Variants in TMEM132D observed in about 807,000 individuals in gnomAD.
TMEM132D encodes the protein transmembrane protein 132D, also known as mature OL transmembrane protein.
Under a neutral mutation model 62.3 loss-of-function variants are expected in TMEM132D, and 21 were observed. The ratio of observed to expected loss-of-function variants is 0.34; its 90% CI spans 0.24 to 0.49. The LOEUF (loss-of-function observed/expected upper bound fraction) is 0.49. TMEM132D is among the 20% of genes least tolerant of loss of function. TMEM132D has a pLI of 0.99. For synonymous variants in TMEM132D, 621 were observed against 575.6 expected (o/e 1.08, Z -1.13); for missense variants, 1,346 against 1,402.8 (o/e 0.96, Z 0.65).
chr12:129,681,490 C>A (rs763623207), intron 2 of TMEM132D: 1 of 152,212 alleles, frequency 6.6e-6, no homozygotes, highest in Non-Finnish European at 1.5e-5. Context: ...CACCTGGTTC[C>A]TCTTCCTCTC....
At position 129,203,342 on chromosome 12, in the gene TMEM132D, A is replaced by G. The variant is rs74681523; in HGVS notation, c.1443+6178T>C. ...TAATTTGTGAATCATTATTTGCTCA[A>G]TTAAACTCTGTTAAATTTAATTTGT... On this transcript the variant is annotated intron_variant, in intron 5 of 8. Transcript: ENST00000422113. 5.9e-3 allele frequency among the ~76,000 whole-genome samples: 894 copies of G among 152,344 alleles called. 4 individuals carry two copies. Among genetic ancestry groups the G allele is most frequent in the Non-Finnish European group, 9.8e-3 (668 of 68,032 alleles).
intron 1 of TMEM132D, among the ~76,000 whole-genome samples, chr12:129,804,673 GT>G (rs1273437340): frequency 5.1e-5 from 3 of 58,440 alleles, no homozygotes; most frequent in Non-Finnish European, 1.1e-4. Flanking sequence ...TCAACATAGT[GT>G]TGGAAGTTCT....
At chr12:129,257,206 T>TTC (rs796876271) in intron 4 of TMEM132D, among the ~76,000 whole-genome samples, 2 of 55,704 alleles carry the variant, frequency 3.6e-5, no homozygotes, top group African/African-American at 1.3e-4. Flanking sequence ...GTTTCTTTCT[T>TTC]TTTTTTTTTT....
At chr12:129,122,087 G>A (rs1017348547) in intron 5 of TMEM132D, among the ~76,000 whole-genome samples, 1 of 152,198 alleles carries the variant, frequency 6.6e-6, no homozygotes, top group African/African-American at 2.4e-5. Flanking sequence ...GCTGCAGAGC[G>A]ATGCTGGGTG....
At chr12:129,819,735 C>T (rs540175262) in intron 1 of TMEM132D, among the ~76,000 whole-genome samples, 9 of 152,218 alleles carry the variant, frequency 5.9e-5, no homozygotes, top group Non-Finnish European at 1.3e-4. Flanking sequence ...TACTGCTGTT[C>T]GTGTTATTAT....
chr12:129,333,466 C>A (rs553922269), intron 4 of TMEM132D, among the ~76,000 whole-genome samples: 1 of 152,136 alleles, frequency 6.6e-6, no homozygotes, highest in Non-Finnish European at 1.5e-5. Context: ...TGGAGATATA[C>A]GGGGAACTTT....
chr12:129,124,069 C>T (rs1450395979), intron 5 of TMEM132D, among the ~76,000 whole-genome samples: 1 of 152,172 alleles, frequency 6.6e-6, no homozygotes, highest in Non-Finnish European at 1.5e-5. Context: ...ACTGGTTCTG[C>T]TTCTCTGGAG....
intron 2 of TMEM132D, among the ~76,000 whole-genome samples, chr12:129,607,405 AGGG>A (rs917331317): frequency 2.0e-5 from 3 of 152,184 alleles, no homozygotes; most frequent in African/African-American, 4.8e-5. Context: ...ATTCCTACGA[AGGG>A]TTGCTCCCAC....
At chr12:129,731,230 C>T (rs1869225661) in intron 1 of TMEM132D, among the ~76,000 whole-genome samples, 1 of 152,168 alleles carries the variant, frequency 6.6e-6, no homozygotes, top group Non-Finnish European at 1.5e-5. Context: ...TCAGCACACA[C>T]TGACTGAATA....
chr12:129,745,504 CT>C (rs1288534796), intron 1 of TMEM132D, among the ~76,000 whole-genome samples: 1 of 152,158 alleles, frequency 6.6e-6, no homozygotes, highest in African/African-American at 2.4e-5. Flanking sequence ...CCCAAATGTC[CT>C]CTAACCTGTG....
At chr12:129,828,250 G>C (rs372403855) in intron 1 of TMEM132D, among the ~76,000 whole-genome samples, 1 of 152,018 alleles carries the variant, frequency 6.6e-6, no homozygotes, top group African/African-American at 2.4e-5. Flanking sequence ...ATTTTCCTTA[G>C]CTTGTTCTTT....
At chr12:129,618,206 A>ATTGTGTGC (rs1380172610) in intron 2 of TMEM132D, among the ~76,000 whole-genome samples, 1 of 152,210 alleles carries the variant, frequency 6.6e-6, no homozygotes, top group Admixed American at 6.5e-5. Flanking sequence ...TTTTAAAAAG[A>ATTGTGTGC]TTGTGTGCTC....
intron 3 of TMEM132D, among the ~76,000 whole-genome samples, chr12:129,404,089 G>T (rs1399277618): frequency 6.6e-6 from 1 of 152,184 alleles, no homozygotes; most frequent in African/African-American, 2.4e-5. Context: ...AGTAACACAG[G>T]ATGGGGATGC....
In TMEM132D at chr12:129,452,195, G is replaced by A. The variant is rs78296358; in HGVS notation, c.1115+78864C>T. ...ACAGTGAAGAGAATGATTGGATTTT[G>A]CCTGAGAAAAGGGCAGTGCGTAATA... On this transcript the variant is annotated intron_variant, in intron 3 of 8. Coordinates refer to ENST00000422113, the MANE Select transcript of TMEM132D (RefSeq NM_133448.3). Among the ~76,000 whole-genome samples the A allele has an allele frequency of 7.9e-4, 121 of 152,302 alleles. No homozygotes were observed. In the East Asian group the frequency reaches 0.022, roughly 28 times the overall value.
rs115056223 is a variant in TMEM132D at position 129,726,114 on chromosome 12, A to C, written c.80-25416T>G. Among the ~76,000 whole-genome samples the C allele has an allele frequency of 2.9e-3, 435 of 152,282 alleles. 4 individuals carry two copies. Among genetic ancestry groups the C allele is most frequent in the African/African-American group, 0.01 (423 of 41,550 alleles). On this transcript the variant is annotated intron_variant, in intron 1 of 8. Transcript: ENST00000422113. ...TGCTGTCTCAACTCATTGCTGGAAG[A>C]ATTAAAGGCCTCCTGTGTGGCTCCA... is the stretch of plus-strand genomic sequence containing the variant.
At chr12:129,464,687 T>C (rs982742418) in intron 3 of TMEM132D, among the ~76,000 whole-genome samples, 2 of 152,228 alleles carry the variant, frequency 1.3e-5, no homozygotes, top group African/African-American at 2.4e-5. Context: ...GCTTCCTACA[T>C]ATGGCTAGCC....
chr12:129,529,398 T>C (rs567284581), intron 3 of TMEM132D, among the ~76,000 whole-genome samples: 3 of 152,362 alleles, frequency 2.0e-5, no homozygotes, highest in Admixed American at 6.5e-5. Context: ...TCTGGAACTA[T>C]AAAAAGGCAG....
At chr12:129,536,752 C>T (rs1876400915) in intron 2 of TMEM132D, among the ~76,000 whole-genome samples, 1 of 152,210 alleles carries the variant, frequency 6.6e-6, no homozygotes, top group African/African-American at 2.4e-5. Flanking sequence ...GACTATTCCA[C>T]TATAGCCAGT....
At chr12:129,222,903 C>T (rs930286235) in intron 4 of TMEM132D, among the ~76,000 whole-genome samples, 10 of 143,644 alleles carry the variant, frequency 7.0e-5, no homozygotes, top group South Asian at 2.4e-4. Context: ...AGCTCTTAAA[C>T]GCTCTCACTA....
Sources: allele counts gnomAD v4.1 joint callset (sites outside exome capture counted in the v4.1 genomes callset), GRCh38; gene constraint gnomAD v4.1.1; transcripts MANE v1.5; gene names NCBI Gene and HGNC (gene_info 2026-07-23, HGNC 2026-07-21).